XIRP2: variants seen among roughly 807,000 people sequenced by gnomAD.
The protein encoded by XIRP2 is xin actin-binding repeat-containing protein 2.
XIRP2 carries 236 observed loss-of-function variants against 277.0 expected under a neutral mutation model. The ratio of observed to expected loss-of-function variants is 0.85; its 90% CI spans 0.77 to 0.95. The LOEUF is 0.95. Ranked by LOEUF, XIRP2 falls within the 40% of genes least tolerant of loss-of-function variation. XIRP2 has a pLI of 0.00. For synonymous variants in XIRP2, 1,490 were observed against 1,416.5 expected (o/e 1.05, Z -1.17); for missense variants, 4,640 against 4,157.5 (o/e 1.12, Z -3.19).
chr2:167,240,064 C>A, intron 6 of XIRP2, 99 bp downstream of exon 6: 1 of 1,028,102 alleles, frequency 9.7e-7, no homozygotes, highest in Admixed American at 3.4e-5. Context: ...ACTCATGTAT[C>A]TAGTATCAAT....
intron 3 of XIRP2, among the ~76,000 whole-genome samples, chr2:167,208,877 T>C (rs1369832630): frequency 2.6e-5 from 4 of 152,202 alleles, no homozygotes; most frequent in Admixed American, 1.3e-4. Flanking sequence ...ATAAAATCTA[T>C]ATGACATTCA....
intron 2 of XIRP2, among the ~76,000 whole-genome samples, chr2:167,131,627 A>G (rs983192099): frequency 3.9e-5 from 6 of 152,126 alleles, no homozygotes; most frequent in African/African-American, 1.2e-4. Flanking sequence ...ATTGTCAAAG[A>G]TGTTCTTTCC....
intron 2 of XIRP2, among the ~76,000 whole-genome samples, chr2:167,085,816 T>A (rs1223136695): frequency 6.6e-6 from 1 of 152,176 alleles, no homozygotes; most frequent in Non-Finnish European, 1.5e-5. Flanking sequence ...TCCATCCTTT[T>A]ATTTTGAGCC....
chr2:167,190,907 G>T (rs576898019), intron 3 of XIRP2, among the ~76,000 whole-genome samples: 1 of 152,178 alleles, frequency 6.6e-6, no homozygotes, highest in South Asian at 2.1e-4. Flanking sequence ...ATGTTCCAAA[G>T]ATAAAAGAAA....
chr2:167,190,231 G>T (rs1288723981), intron 3 of XIRP2, among the ~76,000 whole-genome samples: 1 of 152,146 alleles, frequency 6.6e-6, no homozygotes, highest in Non-Finnish European at 1.5e-5. Context: ...TAAGGCATGA[G>T]TGACTAAATC....
At chr2:167,182,020 G>A (rs1267512271) in intron 3 of XIRP2, among the ~76,000 whole-genome samples, 1 of 152,040 alleles carries the variant, frequency 6.6e-6, no homozygotes, top group East Asian at 1.9e-4. Context: ...AACACTATGA[G>A]ATATGATTTA....
intron 2 of XIRP2, among the ~76,000 whole-genome samples, chr2:166,949,437 A>G (rs1685970043): frequency 6.6e-6 from 1 of 152,096 alleles, no homozygotes; most frequent in South Asian, 2.1e-4. Context: ...GTCAAAGTTG[A>G]TAATTCGAGG....
At chr2:166,923,409 A>T (rs1685106074) in intron 2 of XIRP2, among the ~76,000 whole-genome samples, 1 of 152,152 alleles carries the variant, frequency 6.6e-6, no homozygotes, top group African/African-American at 2.4e-5. Context: ...ACTATAAATT[A>T]TTCCAAAAAA....
chr2:167,225,952 A>T (rs1017839041), intron 5 of XIRP2, among the ~76,000 whole-genome samples: 1 of 152,196 alleles, frequency 6.6e-6, no homozygotes, highest in Non-Finnish European at 1.5e-5. Flanking sequence ...AGTTTGCTAA[A>T]TAGAGCAAAA....
chr2:167,113,930 G>A (rs1378733314), intron 2 of XIRP2, among the ~76,000 whole-genome samples: 1 of 152,090 alleles, frequency 6.6e-6, no homozygotes, highest in African/African-American at 2.4e-5. Context: ...ATTCTTGATT[G>A]GAATTTTTTT....
At chr2:167,008,546 GA>G (rs1687568305) in intron 2 of XIRP2, among the ~76,000 whole-genome samples, 1 of 151,616 alleles carries the variant, frequency 6.6e-6, no homozygotes, top group East Asian at 1.9e-4. Context: ...GCTATGGAAG[GA>G]AATAAAGTGG....
intron 3 of XIRP2, among the ~76,000 whole-genome samples, chr2:167,182,414 C>T (rs957569483): frequency 8.5e-5 from 13 of 152,158 alleles, no homozygotes; most frequent in African/African-American, 2.9e-4. Context: ...CCTGATAGTT[C>T]GCTTTGCTAC....
At chr2:167,065,878 A>G (rs1486736134) in intron 2 of XIRP2, among the ~76,000 whole-genome samples, 1 of 151,940 alleles carries the variant, frequency 6.6e-6, no homozygotes, top group Non-Finnish European at 1.5e-5. Flanking sequence ...CTTTCAGTAC[A>G]TTATTGACAC....
At chr2:166,952,756 CTCATT>C (rs1488933226) in intron 2 of XIRP2, among the ~76,000 whole-genome samples, 2 of 151,700 alleles carry the variant, frequency 1.3e-5, no homozygotes, top group African/African-American at 4.8e-5. Flanking sequence ...TTCTAAAAGT[CTCATT>C]TCAAATAAAG....
Position 167,259,259 on chromosome 2 carries a change from G to A in XIRP2, c.*1442G>A. On this transcript the variant is annotated 3_prime_UTR_variant, in exon 11 of 11. Coordinates refer to ENST00000409195, the MANE Select transcript of XIRP2 (RefSeq NM_152381.6). ...CACAGGTTTTGATGCTCTGAGCCAT[G>A]AATGTACAGCTAAGCCTTTGTTTCC... 1 of 1,613,226 alleles carries A rather than the reference G, an allele frequency of 6.2e-7. No individual in the cohort carries two copies. Among genetic ancestry groups the A allele is most frequent in the Non-Finnish European group, 8.5e-7 (1 of 1,179,600 alleles).
At chr2:166,985,704 C>T (rs1243032801) in intron 2 of XIRP2, among the ~76,000 whole-genome samples, 1 of 152,114 alleles carries the variant, frequency 6.6e-6, no homozygotes, top group Non-Finnish European at 1.5e-5. Flanking sequence ...GCTGGGATTA[C>T]AGGCATGAGC....
intron 2 of XIRP2, among the ~76,000 whole-genome samples, chr2:166,923,044 G>T (rs1685096829): frequency 6.6e-6 from 1 of 151,902 alleles, no homozygotes; most frequent in African/African-American, 2.4e-5. Flanking sequence ...AGTGTAAGTG[G>T]CATTCCTATC....
intron 2 of XIRP2, among the ~76,000 whole-genome samples, chr2:167,125,877 C>T (rs1019277498): frequency 9.2e-5 from 14 of 152,156 alleles, no homozygotes; most frequent in African/African-American, 3.4e-4. Flanking sequence ...ATGTTTTCAT[C>T]TAACGTGGGC....
intron 4 of XIRP2, among the ~76,000 whole-genome samples, chr2:167,214,161 A>G (rs12997709): frequency 3.4e-4 from 35 of 104,034 alleles, no homozygotes; most frequent in Middle Eastern, 4.6e-3. Context: ...AAAGAAGGAA[A>G]GAAAGAGAAA....
Sources: allele counts gnomAD v4.1 joint callset (sites outside exome capture counted in the v4.1 genomes callset), GRCh38; gene constraint gnomAD v4.1.1; transcripts MANE v1.5; gene names NCBI Gene and HGNC (gene_info 2026-07-23, HGNC 2026-07-21).